Variants in FAM219A observed in about 807,000 individuals in gnomAD.
The protein encoded by FAM219A is family with sequence similarity 219 member A.
FAM219A carries 7 observed loss-of-function variants against 23.4 expected under a neutral mutation model. The ratio of observed to expected loss-of-function variants is 0.30; its 90% CI spans 0.17 to 0.56. The LOEUF is 0.56. Ranked by LOEUF, FAM219A falls within the 20% of genes least tolerant of loss-of-function variation. FAM219A has a pLI of 0.92. For synonymous variants in FAM219A, 93 were observed against 99.0 expected (o/e 0.94, Z 0.36); for missense variants, 166 against 246.9 (o/e 0.67, Z 2.20).
intron 1 of FAM219A, among the ~76,000 whole-genome samples, chr9:34,440,683 T>C (rs1430624393): frequency 6.6e-6 from 1 of 151,858 alleles, no homozygotes; most frequent in Non-Finnish European, 1.5e-5. Flanking sequence ...ACCCCGTCTC[T>C]ACTAAAAATA....
chr9:34,420,186 TG>T lies in FAM219A; in HGVS notation c.61-14223del, dbSNP rs149545024. Among the ~76,000 whole-genome samples the T allele has an allele frequency of 5.8e-3, 885 of 152,254 alleles. 10 individuals carry two copies. Among genetic ancestry groups the T allele is most frequent in the African/African-American group, 0.02 (823 of 41,550 alleles). ...CTGGGGAGGGAAAAACACCAAGCCC[TG>T]GTTCTTGCCAAGAAGAATTTAAAAG... On this transcript the variant is annotated intron_variant, in intron 1 of 5. Coordinates refer to ENST00000651358, the MANE Select transcript of FAM219A (RefSeq NM_001184940.2).
intron 2 of FAM219A, among the ~76,000 whole-genome samples, chr9:34,403,308 C>T (rs1411490583): frequency 6.6e-6 from 1 of 152,218 alleles, no homozygotes; most frequent in Non-Finnish European, 1.5e-5. Context: ...ACTTATTCAA[C>T]AAATATCCAT....
In FAM219A at chr9:34,455,465, AT is replaced by A. The variant is rs11394221; in HGVS notation, c.60+2738del. Among the ~76,000 whole-genome samples the A allele has an allele frequency of 1.7e-3, 215 of 129,650 alleles. 1 individual carries two copies. The highest frequency in any genetic ancestry group is 2.2e-3 in the East Asian group (10 of 4,582). The allele number at this position is 129,650 out of a possible 152,430, so 85.1% of individuals were successfully genotyped here. ...TTTACCTCTATGATATGCTATCTTGATTTTTTTTTTTTTTTTTTGGAGACAG... is the reference window on the plus strand; with the variant it reads ...TTTACCTCTATGATATGCTATCTTGATTTTTTTTTTTTTTTTTGGAGACAG... On this transcript the variant is annotated intron_variant, in intron 1 of 5. Transcript: ENST00000651358.
At chr9:34,456,985 G>A (rs1823755373) in intron 1 of FAM219A, among the ~76,000 whole-genome samples, 1 of 152,208 alleles carries the variant, frequency 6.6e-6, no homozygotes, top group Non-Finnish European at 1.5e-5. Context: ...AAGCTACAAA[G>A]CACATCTGTC....
intron 1 of FAM219A, among the ~76,000 whole-genome samples, chr9:34,445,653 A>C (rs1823343270): frequency 6.6e-6 from 1 of 151,348 alleles, no homozygotes; most frequent in Admixed American, 6.6e-5. Context: ...ATGCCTCAAA[A>C]GCCAGTGGAG....
At chr9:34,402,663 TC>T in intron 3 of FAM219A, 41 bp downstream of exon 3, 1 of 1,606,312 alleles carries the variant, frequency 6.2e-7, no homozygotes, top group Non-Finnish European at 8.5e-7. Context: ...CAGAAATAGG[TC>T]CTGGCTGGCA....
At chr9:34,436,626 G>A (rs776152512) in intron 1 of FAM219A, among the ~76,000 whole-genome samples, 2 of 152,190 alleles carry the variant, frequency 1.3e-5, no homozygotes, top group Non-Finnish European at 2.9e-5. Context: ...ATAGCTGAGG[G>A]GGTCAATGGG....
intron 1 of FAM219A, among the ~76,000 whole-genome samples, chr9:34,449,505 C>T (rs150177722): frequency 6.6e-6 from 1 of 152,176 alleles, no homozygotes; most frequent in African/African-American, 2.4e-5. Context: ...GAGCTTCCTA[C>T]TAATAGCAAG....
chr9:34,443,659 G>C (rs1823266865), intron 1 of FAM219A, among the ~76,000 whole-genome samples: 1 of 152,110 alleles, frequency 6.6e-6, no homozygotes, highest in South Asian at 2.1e-4. Flanking sequence ...GCTGGCCAAA[G>C]GTCATAACAA....
chr9:34,407,920 A>G (rs1821696289), intron 1 of FAM219A, among the ~76,000 whole-genome samples: 2 of 152,186 alleles, frequency 1.3e-5, no homozygotes, highest in Non-Finnish European at 2.9e-5. Flanking sequence ...AAAATGAGGC[A>G]GTGGGCATGA....
chr9:34,440,100 T>G (rs1823110382), intron 1 of FAM219A, among the ~76,000 whole-genome samples: 2 of 152,146 alleles, frequency 1.3e-5, no homozygotes, highest in Non-Finnish European at 2.9e-5. Context: ...GGGCAGGGTA[T>G]CCAAGGCTGT....
At chr9:34,445,497 GC>G (rs1823333812) in intron 1 of FAM219A, among the ~76,000 whole-genome samples, 1 of 152,216 alleles carries the variant, frequency 6.6e-6, no homozygotes, top group African/African-American at 2.4e-5. Flanking sequence ...AGTGAAATGG[GC>G]AGAAGAGAAT....
chr9:34,424,162 C>T (rs578157990), intron 1 of FAM219A, among the ~76,000 whole-genome samples: 57 of 152,088 alleles, frequency 3.7e-4, no homozygotes, highest in African/African-American at 1.1e-3. Context: ...GAACCAGAAC[C>T]GGAGTCCTAG....
At chr9:34,443,257 A>C (rs1823249813) in intron 1 of FAM219A, among the ~76,000 whole-genome samples, 1 of 152,168 alleles carries the variant, frequency 6.6e-6, no homozygotes, top group Non-Finnish European at 1.5e-5. Flanking sequence ...CAGCAGTAGG[A>C]CACCCTCCAC....
intron 1 of FAM219A, among the ~76,000 whole-genome samples, chr9:34,442,800 T>A (rs562259335): frequency 6.6e-6 from 1 of 152,208 alleles, no homozygotes; most frequent in Non-Finnish European, 1.5e-5. Context: ...TTAGGGGTGA[T>A]AATGGTATTT....
chr9:34,439,121 A>G (rs1823058943), intron 1 of FAM219A, among the ~76,000 whole-genome samples: 1 of 152,174 alleles, frequency 6.6e-6, no homozygotes, highest in Non-Finnish European at 1.5e-5. Flanking sequence ...ACCCACCAGA[A>G]GGAAGAAACT....
chr9:34,420,243 A>G (rs776721803), intron 1 of FAM219A, among the ~76,000 whole-genome samples: 5 of 152,294 alleles, frequency 3.3e-5, no homozygotes, highest in Admixed American at 6.5e-5. Flanking sequence ...AGATCAGCCT[A>G]TTTAAGGAAG....
chr9:34,458,554 A>T lies in FAM219A; in HGVS notation c.-291T>A, dbSNP rs1360319174. On this transcript the variant is annotated 5_prime_UTR_variant, in exon 1 of 6. Transcript: ENST00000651358. This position sits in a 1 kb window ranked among gnomAD's most constrained non-coding sequence, Gnocchi z 6.6. The stretch of plus-strand genomic sequence containing the variant: ...CGCTGCCGCCTCCTGTCAGCAGCTC[A>T]GCCACTGCGGTGACTCGGCAACTCC... 16 of 384,900 alleles carry T rather than the reference A, an allele frequency of 4.2e-5. No homozygotes were observed. The Admixed American group carries it at 4.9e-4, about 12-fold the overall frequency. 23.8% of individuals were successfully genotyped at this position (384,900 alleles called of 1,614,324 possible).
Position 34,398,284 on chromosome 9 carries a change from C to G in FAM219A, c.*2680G>C. 1.3e-6 allele frequency: 2 copies of G among 1,550,738 alleles called. No homozygotes were observed. Among genetic ancestry groups the G allele is most frequent in the South Asian group, 2.4e-5 (2 of 84,066 alleles). On this transcript the variant is annotated 3_prime_UTR_variant, in exon 6 of 6. Transcript: ENST00000651358. Reference sequence around the variant, plus strand: ...TGAAAATGTTAAAAAAAATATTATACACGGCTCATGTCTTCCACACACCTT... The same window carrying G: ...TGAAAATGTTAAAAAAAATATTATAGACGGCTCATGTCTTCCACACACCTT...
Sources: allele counts gnomAD v4.1 joint callset (sites outside exome capture counted in the v4.1 genomes callset), GRCh38; gene constraint gnomAD v4.1.1; non-coding constraint Gnocchi (gnomAD v3.1); transcripts MANE v1.5; gene names NCBI Gene and HGNC (gene_info 2026-07-23, HGNC 2026-07-21).